TMEM272: variants seen among roughly 807,000 people sequenced by gnomAD.
TMEM272 encodes transmembrane protein 272.
A neutral mutation model predicts 3.7 loss-of-function variants in TMEM272; 8 were observed. The observed-to-expected ratio is 2.17, with a 90% CI of 1.27 to 3.91. The LOEUF is 3.91. Among genes scored for constraint, TMEM272 ranks in the 30% most tolerant of loss-of-function variants. The pLI is 0.00. For synonymous variants in TMEM272, 63 were observed against 39.8 expected (o/e 1.58, Z -2.20); for missense variants, 166 against 91.5 (o/e 1.81, Z -3.32).
At chr13:51,865,438 G>C in the TMEM272 span, 1 of 1,613,650 alleles carries the variant, frequency 6.2e-7, no homozygotes, top group Non-Finnish European at 8.5e-7. Context: ...TGAGCAGATG[G>C]ATGGGGCTTG....
At chr13:51,896,503 G>A in the TMEM272 span, among the ~76,000 whole-genome samples, 1 of 152,150 alleles carries the variant, frequency 6.6e-6, no homozygotes, top group African/African-American at 2.4e-5. Context: ...CTCAGGGCAG[G>A]TCCTGGTTCT....
At chr13:51,921,941 G>A in the TMEM272 span, among the ~76,000 whole-genome samples, 1 of 152,056 alleles carries the variant, frequency 6.6e-6, no homozygotes, top group Admixed American at 6.5e-5. Flanking sequence ...TGTGTGTTGG[G>A]GATATGTGTT....
In TMEM272 at chr13:51,830,367, C is replaced by T. The variant is rs546016773; in HGVS notation, c.59-3742G>A. On this transcript the variant is annotated intron_variant, in intron 2 of 4. Coordinates refer to ENST00000629372, the MANE Select transcript of TMEM272 (RefSeq NM_001351003.2). Reference sequence around the variant, plus strand: ...CTACCTGGAGGAGGCTGTAAAGACTCACCACCTGCAGCCATGCAACCAAGC... The same window carrying T: ...CTACCTGGAGGAGGCTGTAAAGACTTACCACCTGCAGCCATGCAACCAAGC... Among the ~76,000 whole-genome samples the T allele has an allele frequency of 7.9e-5, 12 of 152,342 alleles. No homozygotes were observed. In the South Asian group the frequency reaches 2.3e-3, roughly 29 times the overall value.
chr13:51,901,173 G>A, the TMEM272 span, among the ~76,000 whole-genome samples: 6 of 151,698 alleles, frequency 4.0e-5, no homozygotes, highest in Non-Finnish European at 8.8e-5. Context: ...TCTCATATTT[G>A]TGATGTTAAT....
At chr13:51,910,227 TCA>T in the TMEM272 span, 38 of 1,286,522 alleles carry the variant, frequency 3.0e-5, no homozygotes, top group African/African-American at 5.8e-5. Flanking sequence ...GTTCAGCTTT[TCA>T]CAGTTTGCCT....
At chr13:51,902,318 C>T in the TMEM272 span, among the ~76,000 whole-genome samples, 1 of 152,118 alleles carries the variant, frequency 6.6e-6, no homozygotes, top group African/African-American at 2.4e-5. Flanking sequence ...CACATTTTGC[C>T]CTTCTCACGG....
At chr13:51,819,887 G>C (rs181325891) in intron 4 of TMEM272, among the ~76,000 whole-genome samples, 7 of 152,184 alleles carry the variant, frequency 4.6e-5, no homozygotes, top group African/African-American at 1.7e-4. Flanking sequence ...ATGACCCTCA[G>C]TAACAAATAC....
the TMEM272 span, among the ~76,000 whole-genome samples, chr13:51,858,820 A>T: frequency 1.3e-5 from 2 of 152,194 alleles, no homozygotes; most frequent in African/African-American, 2.4e-5. Context: ...GTTGCCACCC[A>T]GAAACATGAG....
chr13:51,816,715 G>A lies in TMEM272; in HGVS notation c.*36C>T, dbSNP rs367974369. The A allele has an allele frequency of 7.4e-6, 5 of 671,620 alleles. No individual in the cohort carries two copies. The highest frequency in any genetic ancestry group is 5.4e-5 in the East Asian group (2 of 36,842). The allele number at this position is 671,620 out of a possible 1,614,324, so 41.6% of individuals were successfully genotyped here. On this transcript the variant is annotated 3_prime_UTR_variant, in exon 5 of 5. Transcript: ENST00000629372. Reference sequence around the variant, plus strand: ...TGTGTGCACGCGCGTGCATGCACACGCATATGCATACATGGTATGCTGGAC... The same window carrying A: ...TGTGTGCACGCGCGTGCATGCACACACATATGCATACATGGTATGCTGGAC...
the TMEM272 span, among the ~76,000 whole-genome samples, chr13:51,898,721 T>C: frequency 7.9e-5 from 12 of 151,594 alleles, no homozygotes; most frequent in Non-Finnish European, 2.9e-5. Flanking sequence ...TATATCTTTT[T>C]CCTGCTAAGA....
chr13:51,910,393 C>T, the TMEM272 span: 1 of 1,054,082 alleles, frequency 9.5e-7, no homozygotes, highest in Non-Finnish European at 1.5e-6. Flanking sequence ...ATAGCAAGCT[C>T]TTTCTCTCTT....
upstream of TMEM272, among the ~76,000 whole-genome samples, chr13:51,848,143 G>T (rs1034592495): frequency 6.6e-6 from 1 of 152,314 alleles, no homozygotes; most frequent in East Asian, 1.9e-4. Context: ...AGTCATGCAC[G>T]ATGTCGTGGT....
the TMEM272 span, among the ~76,000 whole-genome samples, chr13:51,855,984 T>C: frequency 6.6e-6 from 1 of 152,150 alleles, no homozygotes; most frequent in South Asian, 2.1e-4. Flanking sequence ...AGCATTGCAG[T>C]AAATAGTTTA....
the TMEM272 span, among the ~76,000 whole-genome samples, chr13:51,903,213 G>C: frequency 6.6e-6 from 1 of 152,254 alleles, no homozygotes; most frequent in Non-Finnish European, 1.5e-5. Context: ...GGCAGCAGCA[G>C]TGGGAAGCAG....
At chr13:51,837,481 G>A (rs896736601) in intron 2 of TMEM272, among the ~76,000 whole-genome samples, 2 of 152,188 alleles carry the variant, frequency 1.3e-5, no homozygotes, top group Non-Finnish European at 2.9e-5. Context: ...TGAAAGGAGG[G>A]TGGCCCTTAG....
chr13:51,822,003 C>T (rs1406588392), intron 4 of TMEM272, 52 bp downstream of exon 4: 3 of 702,190 alleles, frequency 4.3e-6, no homozygotes, highest in Non-Finnish European at 7.8e-6. Flanking sequence ...TTACAGGATG[C>T]CTGTGAGTTA....
the TMEM272 span, chr13:51,933,264 T>C: frequency 2.6e-5 from 4 of 152,210 alleles, no homozygotes; most frequent in South Asian, 8.3e-4. Context: ...TGCTTGTCCA[T>C]TGGCTATGTC....
the TMEM272 span, chr13:51,908,465 A>C: frequency 2.0e-6 from 3 of 1,530,728 alleles, no homozygotes; most frequent in Non-Finnish European, 2.7e-6. Flanking sequence ...TTCCTGGAGG[A>C]GGTGGAGGGA....
chr13:51,918,803 C>CTTTTTTT, the TMEM272 span, among the ~76,000 whole-genome samples: 13 of 81,038 alleles, frequency 1.6e-4, no homozygotes, highest in Admixed American at 3.2e-4. Context: ...TTTTGAAATT[C>CTTTTTTT]TTTTTTTTTT....
Sources: allele counts gnomAD v4.1 joint callset (sites outside exome capture counted in the v4.1 genomes callset), GRCh38; gene constraint gnomAD v4.1.1; transcripts MANE v1.5; gene names NCBI Gene and HGNC (gene_info 2026-07-23, HGNC 2026-07-21).